Variants in COP1 observed in about 807,000 individuals in gnomAD.
The protein encoded by COP1 is COP1 E3 ubiquitin ligase.
A neutral mutation model predicts 101.3 loss-of-function variants in COP1; 24 were observed. The ratio of observed to expected loss-of-function variants is 0.24; its 90% CI spans 0.17 to 0.33. COP1 has a LOEUF of 0.33. Ranked by LOEUF, COP1 falls within the 10% of genes least tolerant of loss-of-function variation. The pLI, the probability that COP1 is intolerant of heterozygous loss-of-function variation, is 1.00. For missense variants in COP1, 663 were observed against 906.2 expected, an observed-to-expected ratio of 0.73 and a Z score of 3.45; for synonymous variants, 347 against 341.9, an observed-to-expected ratio of 1.01 and a Z score of -0.17.
Position 175,956,122 on chromosome 1 carries a change from C to T in COP1, c.2134-8883G>A, listed in dbSNP as rs547741803. ...TACTGTTAATAAAAGCATTAGGAAT[C>T]AATACAGTGTAGTATTATTAGGATA... On this transcript the variant is annotated intron_variant, in intron 18 of 19. Coordinates refer to ENST00000367669, the MANE Select transcript of COP1 (RefSeq NM_022457.7). Among the ~76,000 whole-genome samples the T allele has an allele frequency of 5.3e-5, 8 of 151,992 alleles. No individual in the cohort carries two copies. The South Asian group carries it at 1.0e-3, about 20-fold the overall frequency.
chr1:176,180,569 T>G (rs1174367136), intron 2 of COP1, among the ~76,000 whole-genome samples: 2 of 152,250 alleles, frequency 1.3e-5, no homozygotes, highest in African/African-American at 4.8e-5. Flanking sequence ...GATATAAATG[T>G]GTACCTATTT....
At chr1:176,008,188 C>T (rs796433402) in intron 15 of COP1, among the ~76,000 whole-genome samples, 23 of 152,338 alleles carry the variant, frequency 1.5e-4, no homozygotes, top group African/African-American at 5.1e-4. Context: ...GGCAATGCCT[C>T]GCCCTGCATC....
Position 176,121,711 on chromosome 1 carries a change from T to C in COP1, c.969-5030A>G, listed in dbSNP as rs182018484. Reference sequence around the variant, plus strand: ...TCCAACTGAAAATTAAAATGAAATCTTCTCTCATTGCCTGTTTAGAAACAG... The same window carrying C: ...TCCAACTGAAAATTAAAATGAAATCCTCTCTCATTGCCTGTTTAGAAACAG... On this transcript the variant is annotated intron_variant, in intron 8 of 19. Transcript: ENST00000367669. Among the ~76,000 whole-genome samples the C allele has an allele frequency of 2.0e-3, 301 of 152,274 alleles. 2 individuals are homozygous for C. The highest frequency in any genetic ancestry group is 7.0e-3 in the African/African-American group (289 of 41,572).
intron 9 of COP1, among the ~76,000 whole-genome samples, chr1:176,110,309 T>C (rs1016173868): frequency 5.9e-5 from 9 of 152,236 alleles, no homozygotes; most frequent in African/African-American, 2.2e-4. Flanking sequence ...AAGCCATACA[T>C]GAAATGTAGC....
intron 6 of COP1, among the ~76,000 whole-genome samples, chr1:176,141,308 T>C (rs61821029): frequency 0.25 from 37,826 of 151,934 alleles, 6,665 homozygotes; most frequent in African/African-American, 0.5. Flanking sequence ...CAAGACCAGT[T>C]TGGCCAATAA....
At chr1:176,118,557 G>GT (rs1282809953) in intron 8 of COP1, among the ~76,000 whole-genome samples, 2 of 152,176 alleles carry the variant, frequency 1.3e-5, no homozygotes, top group Admixed American at 6.5e-5. Context: ...GAGCCTAGGA[G>GT]TTTAAGACCA....
intron 15 of COP1, among the ~76,000 whole-genome samples, chr1:176,023,652 A>T (rs1326232614): frequency 6.9e-6 from 1 of 145,590 alleles, no homozygotes; most frequent in African/African-American, 2.6e-5. Flanking sequence ...CAGGAGGTAG[A>T]GGTTGCAGTG....
At chr1:176,081,912 T>C (rs1345379941) in intron 10 of COP1, among the ~76,000 whole-genome samples, 3 of 152,168 alleles carry the variant, frequency 2.0e-5, no homozygotes, top group Non-Finnish European at 4.4e-5. Flanking sequence ...AGAAAAAATA[T>C]TCATTCAAAT....
At chr1:176,193,919 C>A (rs913833750) in intron 1 of COP1, among the ~76,000 whole-genome samples, 1 of 152,058 alleles carries the variant, frequency 6.6e-6, no homozygotes, top group Non-Finnish European at 1.5e-5. Context: ...AACTTTAAAA[C>A]GGCGTATTTC....
At chr1:176,134,706 T>G (rs553010711) in intron 8 of COP1, among the ~76,000 whole-genome samples, 51 of 152,192 alleles carry the variant, frequency 3.4e-4, no homozygotes, top group Non-Finnish European at 5.4e-4. Flanking sequence ...AAATTTAGAT[T>G]TTTGAATGTC....
intron 18 of COP1, among the ~76,000 whole-genome samples, chr1:175,975,490 A>G (rs1252910694): frequency 1.3e-5 from 2 of 152,030 alleles, no homozygotes; most frequent in Non-Finnish European, 2.9e-5. Context: ...GCTCACTGCA[A>G]TCTCTGCCTC....
chr1:176,112,121 G>T (rs1363068866), intron 9 of COP1, among the ~76,000 whole-genome samples: 1 of 151,876 alleles, frequency 6.6e-6, no homozygotes, highest in Non-Finnish European at 1.5e-5. Flanking sequence ...AGGATTTCTT[G>T]TGGGAGGGGA....
At chr1:176,035,231 G>C (rs1309805716) in intron 14 of COP1, among the ~76,000 whole-genome samples, 1 of 151,610 alleles carries the variant, frequency 6.6e-6, no homozygotes, top group African/African-American at 2.4e-5. Flanking sequence ...AAAGATAGAA[G>C]TACTCAGAGA....
chr1:175,973,420 A>G (rs1653760118), intron 18 of COP1, among the ~76,000 whole-genome samples: 1 of 151,458 alleles, frequency 6.6e-6, no homozygotes, highest in African/African-American at 2.5e-5. Context: ...AATAAAATAC[A>G]TGAAGTCAGC....
chr1:176,028,696 CAT>C (rs369887649), intron 14 of COP1, among the ~76,000 whole-genome samples: 1,492 of 47,876 alleles, frequency 0.031, 74 homozygotes, highest in African/African-American at 0.063. Context: ...ATATTTGTTT[CAT>C]ATATATATAT....
chr1:175,980,270 G>T (rs879806556), intron 18 of COP1, among the ~76,000 whole-genome samples: 16,246 of 151,556 alleles, frequency 0.11, 974 homozygotes, highest in Middle Eastern at 0.16. Flanking sequence ...GAGGTTACAT[G>T]AACACAAATA....
At chr1:176,125,333 A>T (rs147167111) in intron 8 of COP1, among the ~76,000 whole-genome samples, 1 of 152,014 alleles carries the variant, frequency 6.6e-6, no homozygotes, top group African/African-American at 2.4e-5. Context: ...TTTTTGCCCC[A>T]AGTTTCCCCA....
At chr1:176,142,673 A>C (rs1690886214) in intron 6 of COP1, among the ~76,000 whole-genome samples, 1 of 152,114 alleles carries the variant, frequency 6.6e-6, no homozygotes, top group South Asian at 2.1e-4. Context: ...AAGAAAGAAA[A>C]CACAACTTTC....
chr1:176,094,462 C>T (rs1359306365), intron 9 of COP1, among the ~76,000 whole-genome samples: 1 of 151,604 alleles, frequency 6.6e-6, no homozygotes, highest in African/African-American at 2.4e-5. Flanking sequence ...GTCTACAAGG[C>T]CAATCTTCAA....
Sources: allele counts gnomAD v4.1 joint callset (sites outside exome capture counted in the v4.1 genomes callset), GRCh38; gene constraint gnomAD v4.1.1; transcripts MANE v1.5; gene names NCBI Gene and HGNC (gene_info 2026-07-23, HGNC 2026-07-21).